The following FAHD2B variants were observed in gnomAD, a reference collection of about 807,000 sequenced individuals.
FAHD2B encodes oxaloacetate tautomerase FAHD2B, mitochondrial.
Under a neutral mutation model 33.7 loss-of-function variants are expected in FAHD2B, and 26 were observed. The observed-to-expected ratio is 0.77, with a 90% CI of 0.57 to 1.07. The LOEUF is 1.07. Among genes scored for constraint, FAHD2B ranks in the 50% least tolerant of loss-of-function variants. The pLI, the probability that FAHD2B is intolerant of heterozygous loss-of-function variation, is 0.00. For missense variants in FAHD2B, 272 were observed against 388.1 expected (o/e 0.70, Z 2.51); for synonymous variants, 108 against 150.9 (o/e 0.72, Z 2.08).
chr2:97,078,750 CT>C (rs778092487), downstream of FAHD2B, among the ~76,000 whole-genome samples: 29 of 150,562 alleles, frequency 1.9e-4, no homozygotes, highest in South Asian at 4.8e-3. Context: ...TCTTGAAATA[CT>C]TTTTTTTAAA....
At chr2:97,089,367 A>C (rs577399684) in intron 4 of FAHD2B, among the ~76,000 whole-genome samples, 3,055 of 150,282 alleles carry the variant, frequency 0.02, 52 homozygotes, top group Non-Finnish European at 0.032. Flanking sequence ...AAAAATACAA[A>C]AATTAGGTGG....
downstream of FAHD2B, among the ~76,000 whole-genome samples, chr2:97,080,421 T>C (rs980459272): frequency 6.6e-6 from 1 of 152,056 alleles, no homozygotes; most frequent in African/African-American, 2.4e-5. Flanking sequence ...ATTTCTGGGT[T>C]CTCTATTCTG....
At chr2:97,080,210 T>C (rs2031593985), downstream of FAHD2B, among the ~76,000 whole-genome samples, 1 of 152,114 alleles carries the variant, frequency 6.6e-6, no homozygotes, top group South Asian at 2.1e-4. Flanking sequence ...TCTTCTAGGA[T>C]TTTTATAGTT....
intron 4 of FAHD2B, among the ~76,000 whole-genome samples, chr2:97,087,219 T>A (rs1422073373): frequency 1.3e-5 from 2 of 151,802 alleles, no homozygotes; most frequent in African/African-American, 4.8e-5. Flanking sequence ...GCCTGGCTAA[T>A]TTTTTGTATT....
At chr2:97,083,900 C>T in intron 8 of FAHD2B, 48 bp downstream of exon 8, 2 of 1,614,034 alleles carry the variant, frequency 1.2e-6, no homozygotes, top group Non-Finnish European at 1.7e-6. Flanking sequence ...TGAGCCAAGC[C>T]TGCCAGGCCT....
downstream of FAHD2B, chr2:97,081,419 G>A (rs953702397): frequency 2.8e-4 from 442 of 1,552,022 alleles, 2 homozygotes; most frequent in Non-Finnish European, 3.5e-4. Context: ...GAGGCCACAT[G>A]GGTGCCTTTT....
In FAHD2B at chr2:97,090,289, C is replaced by T. The variant is rs138893980; in HGVS notation, c.282G>A (p.Ser94=). Residue 94 remains serine (S), a synonymous_variant, in exon 4 of 9, where the codon TCG becomes TCA. Transcript: ENST00000414820. The stretch of plus-strand genomic sequence containing the variant: ...TGACTGGAGCCAGGAAGGTTACCTC[C>T]GACCATGGTAGGACTGGCAACTGGG... The part of the protein sequence containing the change: ...LAAQLPVLPW[S]EVTFLAPVTW... The T allele has an allele frequency of 2.1e-3, 3,387 of 1,613,570 alleles. 32 individuals carry two copies. Among genetic ancestry groups the T allele is most frequent in the South Asian group, 7.1e-3 (641 of 90,918 alleles).
downstream of FAHD2B, chr2:97,082,612 C>T (rs2031690038): frequency 2.6e-6 from 4 of 1,563,556 alleles, no homozygotes; most frequent in South Asian, 4.5e-5. Context: ...TCTATCCCTC[C>T]CGGGGCTTCT....
downstream of FAHD2B, among the ~76,000 whole-genome samples, chr2:97,079,030 T>C (rs1210138015): frequency 6.6e-6 from 1 of 152,176 alleles, no homozygotes; most frequent in Admixed American, 6.6e-5. Context: ...TTTGGATTTC[T>C]GTTCCTGCAT....
chr2:97,081,175 C>T, downstream of FAHD2B: 2 of 1,484,380 alleles, frequency 1.3e-6, no homozygotes, highest in Non-Finnish European at 9.0e-7. Flanking sequence ...CATATTGCTG[C>T]TGAGCCAGAA....
Position 97,086,135 on chromosome 2 carries a change from T to C in FAHD2B, c.522+4A>G, listed in dbSNP as rs1459312610. ...GGCCTGGGAGCCCACCCTTTCCACCTCACCTTGATGTGCTTGCCTTTCTTT... is the reference window on the plus strand; with the variant it reads ...GGCCTGGGAGCCCACCCTTTCCACCCCACCTTGATGTGCTTGCCTTTCTTT... On this transcript the variant is annotated splice_donor_region_variant and intron_variant, in intron 5 of 8. Coordinates refer to ENST00000414820, the MANE Select transcript of FAHD2B (RefSeq NM_001320848.2). 6.2e-7 allele frequency: 1 copy of C among 1,612,770 alleles called. No homozygotes were observed. The highest frequency in any genetic ancestry group is 1.3e-5 in the African/African-American group (1 of 74,890).
intron 4 of FAHD2B, chr2:97,089,908 G>A (rs1318569068): frequency 1.6e-6 from 1 of 614,468 alleles, no homozygotes; most frequent in Admixed American, 3.0e-5. Context: ...TACAGTGAAG[G>A]TGTATTGCTT....
chr2:97,081,052 A>G (rs1265403606), downstream of FAHD2B: 4 of 1,458,340 alleles, frequency 2.7e-6, no homozygotes, highest in Non-Finnish European at 3.6e-6. Context: ...ATGTGTGTGC[A>G]GTGGTGAAGG....
At position 97,089,836 on chromosome 2, in the gene FAHD2B, C is replaced by A. The variant is rs1467145382; in HGVS notation, c.462+273G>T. On this transcript the variant is annotated intron_variant, in intron 4 of 8. Transcript: ENST00000414820. ...AGGTAGACAGAAAAACATTAATATT[C>A]CGAGCCATGGGCAGTGGGATTATGG... 13 of 531,342 alleles carry A rather than the reference C, an allele frequency of 2.4e-5. No homozygotes were observed. The Admixed American group carries it at 2.6e-4, about 11-fold the overall frequency. 32.9% of individuals were successfully genotyped at this position (531,342 alleles called of 1,614,324 possible). A position where few individuals can be genotyped will look rare whatever the true frequency, so the allele number is the denominator to read the frequency against.
chr2:97,086,662 A>C (rs2032009716), intron 4 of FAHD2B: 1 of 158,126 alleles, frequency 6.3e-6, no homozygotes, highest in Non-Finnish European at 1.4e-5. Context: ...CATGGCCACA[A>C]AACATGAAAA....
Position 97,085,745 on chromosome 2 carries a change from G to T in FAHD2B, c.639C>A (p.Thr213=). The change falls in exon 6 of 9, where the codon ACC becomes ACA. Residue 213 remains threonine, a synonymous_variant. Transcript: ENST00000414820. ...KQWLLGKTFD[T]FCPLGPALVT... ...CCAAGGCAGGGCCCAGAGGGCAGAA[G>T]GTGTCGAAGGTTTTTCCCAGCAGCC... The T allele has an allele frequency of 6.2e-7, 1 of 1,613,814 alleles. No homozygotes were observed. Among genetic ancestry groups the T allele is most frequent in the Non-Finnish European group, 8.5e-7 (1 of 1,179,856 alleles).
At chr2:97,082,605 A>G, downstream of FAHD2B, 1 of 1,570,206 alleles carries the variant, frequency 6.4e-7, no homozygotes. Context: ...TCTGAGTTCT[A>G]TCCCTCCCGG....
At chr2:97,080,842 A>G (rs2031617267), downstream of FAHD2B, among the ~76,000 whole-genome samples, 1 of 152,064 alleles carries the variant, frequency 6.6e-6, no homozygotes, top group Admixed American at 6.6e-5. Context: ...TTCTTCTTGT[A>G]GCAATTGTGA....
chr2:97,087,761 A>G (rs1178479580), intron 4 of FAHD2B, among the ~76,000 whole-genome samples: 2 of 152,114 alleles, frequency 1.3e-5, no homozygotes, highest in Non-Finnish European at 2.9e-5. Flanking sequence ...GGATGACTAC[A>G]GGATCCTTGG....
Sources: gnomAD v4.1 joint callset for allele counts (sites outside exome capture counted in the v4.1 genomes callset) on GRCh38, gnomAD v4.1.1 for gene constraint, MANE v1.5 for transcripts, NCBI Gene and HGNC (gene_info 2026-07-23, HGNC 2026-07-21) for gene names.